The following TEX2 variants were observed in gnomAD, a reference collection of about 807,000 sequenced individuals.
TEX2 encodes the protein testis-expressed protein 2.
A neutral mutation model predicts 106.9 loss-of-function variants in TEX2; 53 were observed. The observed-to-expected ratio is 0.50, with a 90% confidence interval of 0.40 to 0.62. The LOEUF (loss-of-function observed/expected upper bound fraction) is 0.62, where lower values mean the gene tolerates loss of function less well. Among genes scored for constraint, TEX2 ranks in the 20% least tolerant of loss-of-function variants. TEX2 has a pLI of 0.00. For synonymous variants in TEX2, 523 were observed against 534.8 expected (o/e 0.98, Z 0.30); for missense variants, 1,207 against 1,379.0 (o/e 0.88, Z 1.98).
chr17:64,158,716 T>C (rs1245709724), intron 8 of TEX2, among the ~76,000 whole-genome samples: 4 of 152,142 alleles, frequency 2.6e-5, no homozygotes, highest in Non-Finnish European at 4.4e-5. Flanking sequence ...GTGAGCCAAA[T>C]GGTGCATGTG....
chr17:64,194,987 T>C lies in TEX2; in HGVS notation c.1753A>G (p.Asn585Asp). 6.2e-7 allele frequency: 1 copy of C among 1,614,192 alleles called. No individual in the cohort carries two copies. The highest frequency in any genetic ancestry group is 8.5e-7 in the Non-Finnish European group (1 of 1,180,008). ...EGGTLRLSKP[N>D]KNISRRASYN... ...CTGGCCCTCCTGGATATATTTTTATTGGGCTTTGAAAGTCTTAAGGTTCCA... is the reference window on the plus strand; with the variant it reads ...CTGGCCCTCCTGGATATATTTTTATCGGGCTTTGAAAGTCTTAAGGTTCCA... The change falls in exon 3 of 12, where the codon AAT becomes GAT. Residue 585 changes from asparagine (N) to aspartate (D), a missense_variant. Asn to Asp is a conservative substitution (Grantham distance 23). Transcript: ENST00000584379.
At chr17:64,193,504 A>C in intron 4 of TEX2, 55 bp downstream of exon 4, 4 of 1,326,542 alleles carry the variant, frequency 3.0e-6, no homozygotes, top group Non-Finnish European at 4.0e-6. Flanking sequence ...TTCTTTCTCT[A>C]TTCTCCCTAG....
intron 6 of TEX2, among the ~76,000 whole-genome samples, chr17:64,174,721 G>A (rs951878567): frequency 2.0e-5 from 3 of 152,172 alleles, no homozygotes; most frequent in Admixed American, 6.5e-5. Context: ...AGCTGTATGC[G>A]ATCTCAGCAA....
chr17:64,200,224 C>G (rs969447176), intron 2 of TEX2, among the ~76,000 whole-genome samples: 1 of 152,098 alleles, frequency 6.6e-6, no homozygotes, highest in Non-Finnish European at 1.5e-5. Context: ...ACTTAGAAAA[C>G]AAAACAAGAC....
chr17:64,173,094 T>G (rs2031480144), intron 6 of TEX2, among the ~76,000 whole-genome samples: 2 of 152,206 alleles, frequency 1.3e-5, no homozygotes. Flanking sequence ...AACCAACACT[T>G]GCCCTACTAA....
intron 8 of TEX2, among the ~76,000 whole-genome samples, chr17:64,157,846 T>G (rs1401819490): frequency 6.6e-6 from 1 of 152,172 alleles, no homozygotes; most frequent in Admixed American, 6.6e-5. Context: ...GGGGCCACCT[T>G]CTGACTTGGG....
Position 64,205,722 on chromosome 17 carries a change from A to G in TEX2, c.1644+6852T>C, listed in dbSNP as rs2032808985. 6.6e-6 allele frequency among the ~76,000 whole-genome samples: 1 copy of G among 152,160 alleles called. No homozygotes were observed. The highest frequency in any genetic ancestry group is 1.9e-4 in the East Asian group (1 of 5,202). On this transcript the variant is annotated intron_variant, in intron 2 of 11. Transcript: ENST00000584379. This position sits in a 1 kb window ranked among gnomAD's most constrained non-coding sequence, Gnocchi z 4.0. ...TTCAGGGAACCTATTTTTAAAACCT[A>G]TCCCTCTTATTAAATATCTACATGT...
At chr17:64,177,528 T>G in intron 5 of TEX2, 57 bp from the exon 6 acceptor site, 1 of 1,576,926 alleles carries the variant, frequency 6.3e-7, no homozygotes, top group East Asian at 2.2e-5. Flanking sequence ...ATAAGACAGG[T>G]GCTTATTTTT....
intron 8 of TEX2, among the ~76,000 whole-genome samples, chr17:64,160,362 C>A (rs117557555): frequency 7.2e-5 from 11 of 152,114 alleles, no homozygotes; most frequent in Non-Finnish European, 1.2e-4. Flanking sequence ...TTAGGAGCAC[C>A]CTCTGTGCTA....
chr17:64,203,827 G>A (rs1174740703), intron 2 of TEX2, among the ~76,000 whole-genome samples: 1 of 152,158 alleles, frequency 6.6e-6, no homozygotes, highest in Non-Finnish European at 1.5e-5. Flanking sequence ...CTGCTTCAAG[G>A]TCACCTTCCC....
At chr17:64,232,613 G>A (rs1427380042) in intron 1 of TEX2, among the ~76,000 whole-genome samples, 1 of 152,194 alleles carries the variant, frequency 6.6e-6, no homozygotes, top group Non-Finnish European at 1.5e-5. Flanking sequence ...TAAAGGTAGT[G>A]GGAAGTGAGA....
At position 64,155,320 on chromosome 17, in the gene TEX2, G is replaced by C. The variant is rs148414796; in HGVS notation, c.2805-353C>G. 1.5e-4 allele frequency: 28 copies of C among 185,754 alleles called. No individual in the cohort carries two copies. In the South Asian group the frequency reaches 5.0e-3, roughly 33 times the overall value. The allele number at this position is 185,754 out of a possible 1,614,324, so 11.5% of individuals were successfully genotyped here. On this transcript the variant is annotated intron_variant, in intron 8 of 11. Coordinates refer to ENST00000584379, the MANE Select transcript of TEX2 (RefSeq NM_001288732.2). ...AACCAGCAGTGCAGCGGAGCCACAC[G>C]GGAGGATGAACAGAAAGAGCGGATG...
intron 8 of TEX2, among the ~76,000 whole-genome samples, chr17:64,156,751 C>T (rs2030647263): frequency 1.3e-5 from 2 of 152,140 alleles, no homozygotes; most frequent in African/African-American, 4.8e-5. Context: ...GAAATCTGTC[C>T]CCACAGCACA....
intron 1 of TEX2, among the ~76,000 whole-genome samples, chr17:64,233,192 C>T (rs1274876937): frequency 2.0e-5 from 3 of 152,148 alleles, no homozygotes; most frequent in Non-Finnish European, 4.4e-5. Flanking sequence ...CCCAAACACA[C>T]ACACATACCC....
At chr17:64,254,669 C>T (rs2034152779) in intron 1 of TEX2, among the ~76,000 whole-genome samples, 1 of 152,164 alleles carries the variant, frequency 6.6e-6, no homozygotes, top group African/African-American at 2.4e-5. Flanking sequence ...TAACTTGTGT[C>T]CTGTTTCATG....
At chr17:64,238,133 C>CTTT (rs2033810991) in intron 1 of TEX2, among the ~76,000 whole-genome samples, 1 of 152,086 alleles carries the variant, frequency 6.6e-6, no homozygotes, top group Non-Finnish European at 1.5e-5. Flanking sequence ...AACCCCGTCT[C>CTTT]TACTAAAAAC....
intron 4 of TEX2, among the ~76,000 whole-genome samples, chr17:64,192,947 T>C (rs2032348145): frequency 6.6e-6 from 1 of 152,166 alleles, no homozygotes; most frequent in Non-Finnish European, 1.5e-5. Flanking sequence ...CCACACTCAT[T>C]TTAGCATGGC....
At chr17:64,233,089 G>A (rs902741201) in intron 1 of TEX2, among the ~76,000 whole-genome samples, 2 of 152,202 alleles carry the variant, frequency 1.3e-5, no homozygotes, top group South Asian at 2.1e-4. Context: ...CATGATTGTG[G>A]AGTTTCACAA....
At chr17:64,258,661 T>G (rs1201344602) in intron 1 of TEX2, among the ~76,000 whole-genome samples, 1 of 152,162 alleles carries the variant, frequency 6.6e-6, no homozygotes, top group African/African-American at 2.4e-5. Context: ...TTTCAATTGT[T>G]TAATTTCTCA....
Sources: allele counts gnomAD v4.1 joint callset (sites outside exome capture counted in the v4.1 genomes callset), GRCh38; gene constraint gnomAD v4.1.1; non-coding constraint Gnocchi (gnomAD v3.1); transcripts MANE v1.5; gene names NCBI Gene and HGNC (gene_info 2026-07-23, HGNC 2026-07-21).